The following NINL variants were observed in gnomAD, a reference collection of about 807,000 sequenced individuals.
NINL encodes ninein-like protein.
Under a neutral mutation model 160.3 loss-of-function variants are expected in NINL, and 153 were observed. The observed-to-expected ratio is 0.95, with a 90% CI of 0.84 to 1.09. NINL has a LOEUF of 1.09. NINL is among the 50% of genes least tolerant of loss of function. NINL has a pLI of 0.00. For synonymous variants in NINL, 800 were observed against 734.8 expected (o/e 1.09, Z -1.43); for missense variants, 1,829 against 1,764.0 (o/e 1.04, Z -0.66).
intron 1 of NINL, among the ~76,000 whole-genome samples, chr20:25,568,368 A>C (rs982446654): frequency 6.6e-6 from 1 of 152,046 alleles, no homozygotes; most frequent in African/African-American, 2.4e-5. Context: ...AACTCCACAC[A>C]CATAAATTCA....
At chr20:25,469,064 G>T (rs371476994) in intron 18 of NINL, among the ~76,000 whole-genome samples, 1 of 143,518 alleles carries the variant, frequency 7.0e-6, no homozygotes, top group Admixed American at 6.9e-5. Flanking sequence ...ACTCTCACTG[G>T]TGGGTGCCCC....
chr20:25,574,899 A>C (rs992619226), intron 1 of NINL, among the ~76,000 whole-genome samples: 2 of 152,090 alleles, frequency 1.3e-5, no homozygotes, highest in Non-Finnish European at 2.9e-5. Flanking sequence ...TATTTCATCA[A>C]ATTTGAGATG....
At chr20:25,459,044 CT>C (rs2090767372) in intron 21 of NINL, 1 of 154,378 alleles carries the variant, frequency 6.5e-6, no homozygotes, top group Non-Finnish European at 1.4e-5. Flanking sequence ...TTACAGTAAA[CT>C]GTGCACCACT....
intron 2 of NINL, among the ~76,000 whole-genome samples, chr20:25,519,096 C>CAA (rs60327668): frequency 0.046 from 4,237 of 91,430 alleles, 151 homozygotes; most frequent in African/African-American, 0.091. Flanking sequence ...GACTCTGTCT[C>CAA]AAAAAAAAAA....
chr20:25,456,241 CAAAAAAA>C (rs34657031), intron 22 of NINL, among the ~76,000 whole-genome samples: 27 of 40,678 alleles, frequency 6.6e-4, no homozygotes, highest in African/African-American at 2.8e-3. Context: ...GACTCCATCT[CAAAAAAA>C]AAAAAAAAAA....
At chr20:25,483,986 A>T (rs771581165) in intron 13 of NINL, among the ~76,000 whole-genome samples, 1 of 152,112 alleles carries the variant, frequency 6.6e-6, no homozygotes, top group Non-Finnish European at 1.5e-5. Context: ...ACATCCACCC[A>T]CTTCTGCTGG....
At chr20:25,568,096 C>T (rs951079191) in intron 1 of NINL, among the ~76,000 whole-genome samples, 26 of 151,070 alleles carry the variant, frequency 1.7e-4, no homozygotes, top group Admixed American at 7.9e-4. Flanking sequence ...TAAAACTGAA[C>T]GCAGAAAAGT....
intron 3 of NINL, among the ~76,000 whole-genome samples, chr20:25,515,237 T>G (rs1049582056): frequency 6.6e-6 from 1 of 152,218 alleles, no homozygotes; most frequent in Non-Finnish European, 1.5e-5. Context: ...ATGTAAGACA[T>G]GGAGTCAAAG....
intron 1 of NINL, among the ~76,000 whole-genome samples, chr20:25,561,689 C>T (rs1343591878): frequency 1.3e-5 from 2 of 151,672 alleles, no homozygotes; most frequent in African/African-American, 4.8e-5. Flanking sequence ...CCCGCCGCCC[C>T]GTCTGGGATG....
At chr20:25,512,710 AG>A in intron 4 of NINL, 123 bp downstream of exon 4, 1 of 1,250,206 alleles carries the variant, frequency 8.0e-7, no homozygotes, top group Non-Finnish European at 1.1e-6. Context: ...CTGGCGACTC[AG>A]GGTGCCTGAG....
At chr20:25,480,601 C>T (rs1324069753) in intron 14 of NINL, among the ~76,000 whole-genome samples, 1 of 152,178 alleles carries the variant, frequency 6.6e-6, no homozygotes, top group Non-Finnish European at 1.5e-5. Flanking sequence ...GACATAATGG[C>T]CTGTGGCACA....
At position 25,476,504 on chromosome 20, in the gene NINL, G is replaced by C. The variant is rs1343526894; in HGVS notation, c.2787C>G (p.Ser929Arg). Residue 929 changes from serine to arginine, a missense_variant, in exon 17 of 24, where the codon AGC becomes AGG. Physicochemically the swap from Ser to Arg is moderately radical, Grantham distance 110. Transcript: ENST00000278886. ...VPKEPEPFGA[S>R]AAGLEQPGAR... ...CTCCAGGCTGCTCCAGCCCCGCTGCGCTCGCGCCGAAAGGCTCTGGCTCCT... is the reference window on the plus strand; with the variant it reads ...CTCCAGGCTGCTCCAGCCCCGCTGCCCTCGCGCCGAAAGGCTCTGGCTCCT... The C allele has an allele frequency of 1.2e-6, 2 of 1,603,356 alleles. No individual in the cohort carries two copies. The highest frequency in any genetic ancestry group is 1.7e-5 in the Admixed American group (1 of 59,998).
intron 1 of NINL, among the ~76,000 whole-genome samples, chr20:25,565,287 C>T (rs1220909386): frequency 1.3e-5 from 2 of 149,462 alleles, no homozygotes; most frequent in Non-Finnish European, 3.0e-5. Flanking sequence ...AGAACCTTAT[C>T]TGGCCAAGGG....
chr20:25,572,265 A>C (rs923893632), intron 1 of NINL, among the ~76,000 whole-genome samples: 4 of 151,368 alleles, frequency 2.6e-5, no homozygotes, highest in Non-Finnish European at 5.9e-5. Flanking sequence ...TGTTTCAGTC[A>C]AGTGACCTTA....
In NINL at chr20:25,550,582, G is replaced by A. The variant is rs535462883; in HGVS notation, c.-11-23984C>T. On this transcript the variant is annotated intron_variant, in intron 1 of 23. Transcript: ENST00000278886. ...TGGCAGGACTATAGGGTAATGGCAG[G>A]GAGAGGGTCAGCAGGAAAACATGTG... Among the ~76,000 whole-genome samples, 3 of 152,236 alleles carry A rather than the reference G, an allele frequency of 2.0e-5. No individual in the cohort carries two copies. The South Asian group carries it at 6.2e-4, about 32-fold the overall frequency.
intron 13 of NINL, among the ~76,000 whole-genome samples, chr20:25,487,051 TCA>T (rs1317038126): frequency 6.6e-6 from 1 of 152,176 alleles, no homozygotes; most frequent in Non-Finnish European, 1.5e-5. Context: ...GCCTTAAGAT[TCA>T]CACACGGAAA....
chr20:25,463,508 C>G (rs540556504), intron 19 of NINL, among the ~76,000 whole-genome samples: 2 of 152,204 alleles, frequency 1.3e-5, no homozygotes, highest in African/African-American at 4.8e-5. Flanking sequence ...ATGAGGGGAA[C>G]CTGTGAGGGC....
chr20:25,539,186 A>G (rs1024182597), intron 1 of NINL, among the ~76,000 whole-genome samples: 1 of 152,222 alleles, frequency 6.6e-6, no homozygotes, highest in Non-Finnish European at 1.5e-5. Context: ...AAAGATAAGG[A>G]GTCAGCGAAC....
At chr20:25,517,953 T>C in intron 2 of NINL, 104 bp from the exon 3 acceptor site, 1 of 608,474 alleles carries the variant, frequency 1.6e-6, no homozygotes, top group Admixed American at 3.7e-5. Flanking sequence ...ATATTATTAC[T>C]GCCTTTTAGA....
Sources: allele counts gnomAD v4.1 joint callset (sites outside exome capture counted in the v4.1 genomes callset), GRCh38; gene constraint gnomAD v4.1.1; transcripts MANE v1.5; gene names NCBI Gene and HGNC (gene_info 2026-07-23, HGNC 2026-07-21).